The following COLEC12 variants were observed in gnomAD, a reference collection of about 807,000 sequenced individuals.
COLEC12 encodes collectin-12.
Under a neutral mutation model 71.1 loss-of-function variants are expected in COLEC12, and 33 were observed. That is an observed-to-expected ratio of 0.46 (90% CI 0.35 to 0.62). The LOEUF (loss-of-function observed/expected upper bound fraction) is 0.62, where lower values mean the gene tolerates loss of function less well. Among genes scored for constraint, COLEC12 ranks in the 20% least tolerant of loss-of-function variants. COLEC12 has a pLI of 0.00. For missense variants in COLEC12, 765 were observed against 916.1 expected (o/e 0.84, Z 2.13); for synonymous variants, 350 against 353.0 (o/e 0.99, Z 0.10).
At chr18:452,924 G>A (rs1425293784) in intron 2 of COLEC12, among the ~76,000 whole-genome samples, 1 of 152,202 alleles carries the variant, frequency 6.6e-6, no homozygotes, top group Non-Finnish European at 1.5e-5. Context: ...CCACTCAGGG[G>A]TCCTCCCCCA....
At chr18:411,862 T>C (rs190875121) in intron 2 of COLEC12, among the ~76,000 whole-genome samples, 2 of 151,098 alleles carry the variant, frequency 1.3e-5, no homozygotes, top group Non-Finnish European at 3.0e-5. Flanking sequence ...ACAGAGAAAA[T>C]AGGGAGAGAA....
chr18:495,963 T>C (rs1417909952), intron 1 of COLEC12, among the ~76,000 whole-genome samples: 1 of 152,112 alleles, frequency 6.6e-6, no homozygotes, highest in African/African-American at 2.4e-5. Flanking sequence ...GCTCAATAAA[T>C]GTTAGCTATT....
intron 1 of COLEC12, among the ~76,000 whole-genome samples, chr18:485,298 T>A (rs1242454294): frequency 6.6e-6 from 1 of 152,194 alleles, no homozygotes; most frequent in East Asian, 1.9e-4. Flanking sequence ...CTGACAGTCA[T>A]AGCCACACAA....
At position 446,483 on chromosome 18, in the gene COLEC12, C is replaced by T. The variant is rs376500400; in HGVS notation, c.58+34224G>A. On this transcript the variant is annotated intron_variant, in intron 2 of 9. Coordinates refer to ENST00000400256, the MANE Select transcript of COLEC12 (RefSeq NM_130386.3). ...TTGGGAGGCCAAAGCAGGAGGATTACTTGAGCCCAGAAGTTCAAGACCAGC... is the reference window on the plus strand; with the variant it reads ...TTGGGAGGCCAAAGCAGGAGGATTATTTGAGCCCAGAAGTTCAAGACCAGC... 2.5e-4 allele frequency among the ~76,000 whole-genome samples: 37 copies of T among 149,736 alleles called. No individual in the cohort carries two copies. In the South Asian group the frequency reaches 7.4e-3, roughly 30 times the overall value.
In COLEC12 at chr18:442,002, TACACACACACACAC is replaced by T. The variant is rs56024245; in HGVS notation, c.58+38691_58+38704del. Among the ~76,000 whole-genome samples, 496 of 120,786 alleles carry T rather than the reference TACACACACACACAC, an allele frequency of 4.1e-3. 2 individuals are homozygous for T. The highest frequency in any genetic ancestry group is 0.028 in the South Asian group (98 of 3,444). 79.2% of individuals were successfully genotyped at this position (120,786 alleles called of 152,430 possible). A position where few individuals can be genotyped will look rare whatever the true frequency, so the allele number is the denominator to read the frequency against. On this transcript the variant is annotated intron_variant, in intron 2 of 9. Transcript: ENST00000400256. ...GTGACAGAGTGAGACTCTCTCTCTC[TACACACACACACAC>T]ACACACACACACACACACACACACA...
chr18:337,864 C>T (rs1207673514), intron 5 of COLEC12, among the ~76,000 whole-genome samples: 1 of 152,248 alleles, frequency 6.6e-6, no homozygotes, highest in Non-Finnish European at 1.5e-5. Context: ...CTCTTTTCCT[C>T]GCCCTGACCC....
chr18:405,656 C>T (rs898551810), intron 2 of COLEC12, among the ~76,000 whole-genome samples: 2 of 152,198 alleles, frequency 1.3e-5, no homozygotes, highest in Non-Finnish European at 1.5e-5. Context: ...ATTTCAATCA[C>T]GCTGATCCAT....
intron 8 of COLEC12, among the ~76,000 whole-genome samples, chr18:324,791 T>C (rs1913798115): frequency 6.6e-6 from 1 of 152,136 alleles, no homozygotes; most frequent in Non-Finnish European, 1.5e-5. Context: ...ATCATGCCAC[T>C]GTACTCCATC....
intron 2 of COLEC12, among the ~76,000 whole-genome samples, chr18:445,846 G>A (rs185956178): frequency 1.7e-4 from 26 of 152,120 alleles, no homozygotes; most frequent in African/African-American, 5.8e-4. Flanking sequence ...TGCCCAGGCT[G>A]GTCTCGAACT....
intron 2 of COLEC12, among the ~76,000 whole-genome samples, chr18:406,773 C>A (rs1470200512): frequency 6.6e-6 from 1 of 152,200 alleles, no homozygotes; most frequent in African/African-American, 2.4e-5. Flanking sequence ...CTGGTCTGCT[C>A]CCCACTTTGG....
chr18:368,760 T>G (rs76367754), intron 2 of COLEC12, among the ~76,000 whole-genome samples: 17,573 of 151,344 alleles, frequency 0.12, 1,181 homozygotes, highest in Non-Finnish European at 0.16. Flanking sequence ...CAGCTACTTC[T>G]GAGGCTGAGG....
intron 2 of COLEC12, among the ~76,000 whole-genome samples, chr18:457,865 T>C (rs979461850): frequency 6.6e-6 from 1 of 152,192 alleles, no homozygotes; most frequent in African/African-American, 2.4e-5. Context: ...GTGCTTACGA[T>C]TGAGGAGACG....
intron 8 of COLEC12, among the ~76,000 whole-genome samples, chr18:329,563 G>A (rs1226383266): frequency 6.6e-6 from 1 of 152,130 alleles, no homozygotes; most frequent in African/African-American, 2.4e-5. Context: ...GCTGTGTTGG[G>A]CACTTTCCTT....
At chr18:492,324 C>T (rs1917633189) in intron 1 of COLEC12, among the ~76,000 whole-genome samples, 1 of 152,006 alleles carries the variant, frequency 6.6e-6, no homozygotes, top group African/African-American at 2.4e-5. Context: ...GCATGGGTAC[C>T]CTATTCCTTC....
chr18:430,639 T>C (rs1916285492), intron 2 of COLEC12, among the ~76,000 whole-genome samples: 1 of 152,182 alleles, frequency 6.6e-6, no homozygotes. Flanking sequence ...AAGTAGTCAC[T>C]TTTTTAAACC....
At chr18:345,864 A>G (rs187116002) in intron 5 of COLEC12, among the ~76,000 whole-genome samples, 4 of 152,344 alleles carry the variant, frequency 2.6e-5, no homozygotes, top group Admixed American at 2.6e-4. Context: ...TATTTCTAAG[A>G]AACAGAATGA....
chr18:351,752 T>C (rs1390002313), intron 3 of COLEC12, among the ~76,000 whole-genome samples: 1 of 152,158 alleles, frequency 6.6e-6, no homozygotes, highest in Non-Finnish European at 1.5e-5. Context: ...ATTTTTATTA[T>C]ACTTTAAGTT....
At chr18:485,986 C>G (rs1567922911) in intron 1 of COLEC12, among the ~76,000 whole-genome samples, 1 of 152,198 alleles carries the variant, frequency 6.6e-6, no homozygotes, top group Admixed American at 6.5e-5. Flanking sequence ...AGGCACTGAA[C>G]AGTAGTTGTT....
chr18:447,101 A>G (rs1483812379), intron 2 of COLEC12, among the ~76,000 whole-genome samples: 2 of 152,248 alleles, frequency 1.3e-5, no homozygotes, highest in African/African-American at 4.8e-5. Flanking sequence ...TAGGTCAGAT[A>G]GTCACACGTG....
Sources: gnomAD v4.1 joint callset for allele counts (sites outside exome capture counted in the v4.1 genomes callset) on GRCh38, gnomAD v4.1.1 for gene constraint, MANE v1.5 for transcripts, NCBI Gene and HGNC (gene_info 2026-07-23, HGNC 2026-07-21) for gene names.